The following PDE1C variants were observed in gnomAD, a reference collection of about 807,000 sequenced individuals.
PDE1C encodes the protein dual specificity calcium/calmodulin-dependent 3',5'-cyclic nucleotide phosphodiesterase 1C.
PDE1C carries 62 observed loss-of-function variants against 93.1 expected under a neutral mutation model. That is an observed-to-expected ratio of 0.67 (90% CI 0.54 to 0.82). PDE1C has a LOEUF of 0.82. Among genes scored for constraint, PDE1C ranks in the 40% least tolerant of loss-of-function variants. The pLI is 0.00. For synonymous variants in PDE1C, 325 were observed against 310.1 expected (o/e 1.05, Z -0.50); for missense variants, 742 against 884.6 (o/e 0.84, Z 2.04).
At chr7:32,060,886 G>C (rs1012192438) in intron 1 of PDE1C, among the ~76,000 whole-genome samples, 1 of 152,094 alleles carries the variant, frequency 6.6e-6, no homozygotes, top group Non-Finnish European at 1.5e-5. Flanking sequence ...TAGCAGACAC[G>C]GTTTCCAGTG....
the PDE1C span, among the ~76,000 whole-genome samples, chr7:31,709,845 A>G: frequency 6.6e-6 from 1 of 152,166 alleles, no homozygotes; most frequent in Admixed American, 6.5e-5. Context: ...CAAATGAATA[A>G]TAGTTATATT....
At chr7:31,636,062 G>A in the PDE1C span, among the ~76,000 whole-genome samples, 4 of 152,176 alleles carry the variant, frequency 2.6e-5, no homozygotes, top group Non-Finnish European at 5.9e-5. Context: ...GAGAATGAGA[G>A]CTAGCAGGGG....
chr7:32,143,250 T>C (rs2128782158), intron 3 of PDE1C, among the ~76,000 whole-genome samples: 1 of 151,250 alleles, frequency 6.6e-6, no homozygotes, highest in South Asian at 2.1e-4. Flanking sequence ...CTTAGGTACT[T>C]AAGTTTTGTA....
chr7:31,618,191 A>C, the PDE1C span, among the ~76,000 whole-genome samples: 1 of 152,196 alleles, frequency 6.6e-6, no homozygotes, highest in East Asian at 1.9e-4. Flanking sequence ...CCCAAACTTA[A>C]GATCAGCCTT....
chr7:32,098,123 G>A lies in PDE1C; in HGVS notation c.308+71662C>T, dbSNP rs372268532. The stretch of plus-strand genomic sequence containing the variant: ...CGGGCGCCTGTAGTCCCAGCTACTC[G>A]GGAGGCTGAGGCAGGAGAATGGCGT... On this transcript the variant is annotated intron_variant, in intron 3 of 18. Coordinates refer to the PDE1C transcript ENST00000396193. Among the ~76,000 whole-genome samples the A allele has an allele frequency of 7.6e-3, 1,115 of 147,300 alleles. 39 individuals carry two copies. The highest frequency in any genetic ancestry group is 0.026 in the African/African-American group (1,015 of 39,280).
At chr7:32,252,971 G>C (rs1020359723) in intron 1 of PDE1C, among the ~76,000 whole-genome samples, 4 of 152,126 alleles carry the variant, frequency 2.6e-5, no homozygotes, top group Admixed American at 6.6e-5. Context: ...ACCATACTTT[G>C]AGTAGCACAG....
chr7:32,320,170 A>C (rs565265882), intron 1 of PDE1C, among the ~76,000 whole-genome samples: 2 of 152,192 alleles, frequency 1.3e-5, no homozygotes, highest in Non-Finnish European at 2.9e-5. Context: ...AAGTTTACTA[A>C]GGTTTGTGTT....
At chr7:32,258,248 T>C (rs1809948501) in intron 1 of PDE1C, among the ~76,000 whole-genome samples, 3 of 152,228 alleles carry the variant, frequency 2.0e-5, no homozygotes, top group African/African-American at 7.2e-5. Flanking sequence ...TATATGTGTC[T>C]TCAATTATAT....
chr7:31,736,905 C>G, the PDE1C span, among the ~76,000 whole-genome samples: 3 of 152,160 alleles, frequency 2.0e-5, no homozygotes, highest in African/African-American at 7.2e-5. Context: ...GTTCTAATTA[C>G]AAACTAGTTG....
chr7:31,672,796 C>G, the PDE1C span, among the ~76,000 whole-genome samples: 323 of 152,298 alleles, frequency 2.1e-3, 1 homozygote, highest in African/African-American at 7.3e-3. Flanking sequence ...TATGGTTTGG[C>G]TCTGTGTCCC....
the PDE1C span, among the ~76,000 whole-genome samples, chr7:31,727,818 G>C: frequency 6.6e-6 from 1 of 152,124 alleles, no homozygotes; most frequent in African/African-American, 2.4e-5. Flanking sequence ...CAGGCAGGAG[G>C]ATCACTTGAG....
chr7:32,252,597 G>T (rs1585032591), intron 1 of PDE1C, among the ~76,000 whole-genome samples: 1 of 152,182 alleles, frequency 6.6e-6, no homozygotes, highest in Non-Finnish European at 1.5e-5. Context: ...AGGTCCACAT[G>T]GAAGGAGGAT....
chr7:31,828,125 G>A (rs1190323845), intron 12 of PDE1C, among the ~76,000 whole-genome samples, 167 bp downstream of exon 12: 1 of 152,116 alleles, frequency 6.6e-6, no homozygotes, highest in Non-Finnish European at 1.5e-5. Context: ...ACATTCCAGG[G>A]AAAAGAATGG....
chr7:32,387,507 A>ACCC (rs538226626), intron 1 of PDE1C, among the ~76,000 whole-genome samples: 12 of 132,170 alleles, frequency 9.1e-5, no homozygotes, highest in African/African-American at 3.5e-4. Flanking sequence ...CGGGGGGCTG[A>ACCC]CCCCCCCACC....
intron 1 of PDE1C, among the ~76,000 whole-genome samples, chr7:32,051,867 T>A (rs2128688615): frequency 6.6e-6 from 1 of 152,290 alleles, no homozygotes; most frequent in Non-Finnish European, 1.5e-5. Context: ...GCATTTTAGT[T>A]GAGGTCAGGC....
chr7:32,081,904 G>A (rs1796683729), intron 3 of PDE1C, among the ~76,000 whole-genome samples: 1 of 152,222 alleles, frequency 6.6e-6, no homozygotes, highest in Non-Finnish European at 1.5e-5. Context: ...AATAGGAACA[G>A]CTCCGGTCTA....
rs757863787 is a variant in PDE1C, at chr7:31,880,726, CTT to C, written c.242+19_242+20del. ...AAATTTACTATCACTATACTAATCT[CTT>C]TTGTTATTTTTAGCTTACCTTGTTT... On this transcript the variant is annotated intron_variant, in intron 3 of 17. Coordinates refer to ENST00000396191, the MANE Select transcript of PDE1C (RefSeq NM_001191057.4). 8 of 1,431,020 alleles carry C rather than the reference CTT, an allele frequency of 5.6e-6. No individual in the cohort carries two copies. In the South Asian group the frequency reaches 9.3e-5, roughly 17 times the overall value. The allele number at this position is 1,431,020 out of a possible 1,614,324, so 88.6% of individuals were successfully genotyped here. A position where few individuals can be genotyped will look rare whatever the true frequency, so the allele number is the denominator to read the frequency against.
the PDE1C span, chr7:31,658,318 G>A: frequency 6.6e-7 from 1 of 1,516,232 alleles, no homozygotes; most frequent in Non-Finnish European, 8.8e-7. Context: ...TTCTTCAAAA[G>A]CAAATAACTC....
At chr7:31,657,092 TGATA>T in the PDE1C span, among the ~76,000 whole-genome samples, 1 of 5,072 alleles carries the variant, frequency 2.0e-4, no homozygotes, top group Non-Finnish European at 4.2e-4. Flanking sequence ...ATTTTATATA[TGATA>T]TATATAAAAT....
Sources: gnomAD v4.1 joint callset for allele counts (sites outside exome capture counted in the v4.1 genomes callset) on GRCh38, gnomAD v4.1.1 for gene constraint, MANE v1.5 for transcripts, NCBI Gene and HGNC (gene_info 2026-07-23, HGNC 2026-07-21) for gene names.